Variants in UFD1 observed in about 807,000 individuals in gnomAD.
UFD1 encodes the protein ubiquitin recognition factor in ER associated degradation 1.
UFD1 carries 13 observed loss-of-function variants against 45.9 expected under a neutral mutation model. That is an observed-to-expected ratio of 0.28 (90% CI 0.18 to 0.45). UFD1 has a LOEUF of 0.45. Ranked by LOEUF, UFD1 falls within the 20% of genes least tolerant of loss-of-function variation. The pLI is 1.00. For synonymous variants in UFD1, 128 were observed against 139.2 expected, an observed-to-expected ratio of 0.92 and a Z score of 0.56; for missense variants, 218 against 389.2, an observed-to-expected ratio of 0.56 and a Z score of 3.70.
intron 11 of UFD1, chr22:19,452,122 G>A (rs1039545811): frequency 5.6e-5 from 11 of 195,094 alleles, no homozygotes; most frequent in Non-Finnish European, 7.4e-5. Flanking sequence ...CCAAAGATAG[G>A]GTGGCTCAAA....
At chr22:19,471,372 A>T (rs1354954536) in intron 4 of UFD1, 1 of 615,268 alleles carries the variant, frequency 1.6e-6, no homozygotes, top group East Asian at 3.8e-5. Context: ...TAGACCACCT[A>T]AAAAATACTG....
intron 9 of UFD1, among the ~76,000 whole-genome samples, chr22:19,456,053 C>T (rs549948343): frequency 6.6e-6 from 1 of 152,196 alleles, no homozygotes; most frequent in Non-Finnish European, 1.5e-5. Flanking sequence ...AGTTCAAGCT[C>T]TATGGGTGGG....
intron 10 of UFD1, 99 bp from the exon 11 acceptor site, chr22:19,454,929 C>A: frequency 7.3e-7 from 1 of 1,365,530 alleles, no homozygotes; most frequent in Middle Eastern, 2.6e-4. Flanking sequence ...GATGCTGCTG[C>A]ACCCCACCTG....
Position 19,475,031 on chromosome 22 carries a change from A to G in UFD1, c.169+37T>C, listed in dbSNP as rs770574531. The G allele has an allele frequency of 1.4e-5, 23 of 1,597,002 alleles. No homozygotes were observed. The South Asian group carries it at 1.5e-4, about 10-fold the overall frequency. On this transcript the variant is annotated intron_variant, in intron 3 of 11. Coordinates refer to ENST00000263202, the MANE Select transcript of UFD1 (RefSeq NM_005659.7). ...GCTGACTCTTGGTGTCCATATGTAC[A>G]TTATCTAAGTCCTTAAGTCACTCAG...
intron 6 of UFD1, among the ~76,000 whole-genome samples, chr22:19,460,308 G>A (rs1251540874): frequency 2.0e-5 from 3 of 152,042 alleles, no homozygotes; most frequent in African/African-American, 7.2e-5. Flanking sequence ...CCGTTTTCAT[G>A]TTTTCAAAAG....
chr22:19,455,705 G>C lies in UFD1; in HGVS notation c.742C>G (p.Pro248Ala), dbSNP rs753177368. ...KKKGVEPSPS[P>A]IKPGDIKRGI... ...CTTTTAATATCTCCAGGCTTGATTG[G>C]GGAGGGGCTGGGCTCTACCCCTTTC... The change falls in exon 10 of 12, where the codon CCA becomes GCA. Residue 248 changes from proline to alanine, a missense_variant. Physicochemically the swap from Pro to Ala is conservative, Grantham distance 27 (BLOSUM62 -1). Around this residue, in one of 2 missense-constraint regions of UFD1, gnomAD observed 69 missense variants for 81.7 expected, o/e 0.84. Coordinates refer to ENST00000263202, the MANE Select transcript of UFD1 (RefSeq NM_005659.7). The C allele has an allele frequency of 8.7e-6, 14 of 1,613,962 alleles. No homozygotes were observed. Among genetic ancestry groups the C allele is most frequent in the Non-Finnish European group, 1.2e-5 (14 of 1,179,972 alleles).
chr22:19,454,486 G>A (rs2089707350), intron 11 of UFD1: 2 of 797,652 alleles, frequency 2.5e-6, no homozygotes, highest in South Asian at 2.0e-5. Flanking sequence ...GTGTTTCCCT[G>A]CACCAGCTTT....
At chr22:19,467,264 T>C (rs4493360) in intron 5 of UFD1, 55,937 of 151,596 alleles carry the variant, frequency 0.37, 12,644 homozygotes, top group Non-Finnish European at 0.5. Flanking sequence ...ATCAGGGCCA[T>C]GGAGCTAGAG....
chr22:19,451,490 G>C, intron 11 of UFD1: 1 of 985,406 alleles, frequency 1.0e-6, no homozygotes, highest in East Asian at 1.1e-4. Flanking sequence ...TCCATCAGCA[G>C]AAAGAGGGAT....
chr22:19,461,833 T>C (rs1408753651), intron 6 of UFD1, among the ~76,000 whole-genome samples: 1 of 152,084 alleles, frequency 6.6e-6, no homozygotes, highest in Non-Finnish European at 1.5e-5. Flanking sequence ...TTTTCTTTAG[T>C]CAAACTTCAA....
chr22:19,454,626 C>G (rs775010635), intron 11 of UFD1, 123 bp downstream of exon 11: 1 of 1,556,982 alleles, frequency 6.4e-7, no homozygotes, highest in African/African-American at 1.4e-5. Flanking sequence ...TCGGGTACAT[C>G]TTTACCAGCA....
At chr22:19,465,418 C>T (rs780798879) in intron 5 of UFD1, 144 bp from the exon 6 acceptor site, 8 of 641,866 alleles carry the variant, frequency 1.2e-5, no homozygotes, top group Non-Finnish European at 2.2e-5. Flanking sequence ...TAAAGTACTA[C>T]TTGGCAATAA....
At chr22:19,450,816 C>A in intron 11 of UFD1, 72 bp from the exon 12 acceptor site, 1 of 1,609,638 alleles carries the variant, frequency 6.2e-7, no homozygotes, top group Non-Finnish European at 8.5e-7. Context: ...ACTCTATGGA[C>A]TCACGTACCA....
chr22:19,459,066 G>T (rs759137005), intron 6 of UFD1, among the ~76,000 whole-genome samples: 10 of 152,170 alleles, frequency 6.6e-5, no homozygotes, highest in Non-Finnish European at 1.0e-4. Context: ...CAGAATGGTT[G>T]TATAGGTATT....
At chr22:19,478,358 C>T (rs13447174) in intron 1 of UFD1, among the ~76,000 whole-genome samples, 28 of 152,324 alleles carry the variant, frequency 1.8e-4, no homozygotes, top group African/African-American at 6.3e-4. Flanking sequence ...GAAGACAATA[C>T]CGTAGAGTGC....
intron 6 of UFD1, among the ~76,000 whole-genome samples, chr22:19,463,630 C>T (rs1201232027): frequency 6.6e-6 from 1 of 152,322 alleles, no homozygotes; most frequent in African/African-American, 2.4e-5. Flanking sequence ...CAACACCCAC[C>T]TCTGTGTATA....
chr22:19,479,041 G>A (rs755874695), intron 1 of UFD1, 42 bp downstream of exon 1: 8 of 736,232 alleles, frequency 1.1e-5, no homozygotes, highest in African/African-American at 9.6e-5. Flanking sequence ...CTCAGGCCCC[G>A]GGCCAAGGCC....
chr22:19,478,385 C>T (rs1009617453), intron 1 of UFD1, among the ~76,000 whole-genome samples: 7 of 152,186 alleles, frequency 4.6e-5, no homozygotes, highest in African/African-American at 1.4e-4. Flanking sequence ...GCCAGACAGA[C>T]TTGGCTTCAA....
intron 6 of UFD1, among the ~76,000 whole-genome samples, chr22:19,462,847 T>C (rs1250479492): frequency 6.6e-6 from 1 of 152,254 alleles, no homozygotes; most frequent in East Asian, 1.9e-4. Flanking sequence ...ATAATGCTTA[T>C]TCCTAAAGTA....
Sources: gnomAD v4.1 joint callset for allele counts (sites outside exome capture counted in the v4.1 genomes callset) on GRCh38, gnomAD v4.1.1 for gene constraint, gnomAD v4.1.1 regional missense constraint, MANE v1.5 for transcripts, NCBI Gene and HGNC (gene_info 2026-07-23, HGNC 2026-07-21) for gene names.